Variants in NOTO observed in about 807,000 individuals in gnomAD.
NOTO encodes the protein notochord homeobox, also known as homeobox protein notochord.
NOTO carries 19 observed loss-of-function variants against 20.5 expected under a neutral mutation model. That is an observed-to-expected ratio of 0.93 (90% CI 0.65 to 1.36). NOTO has a LOEUF of 1.36. Among genes scored for constraint, NOTO ranks in the 40% most tolerant of loss-of-function variants. The pLI, the probability that NOTO is intolerant of heterozygous loss-of-function variation, is 0.00. For missense variants in NOTO, 369 were observed against 336.2 expected, an observed-to-expected ratio of 1.10 and a Z score of -0.76; for synonymous variants, 150 against 150.2, an observed-to-expected ratio of 1.00 and a Z score of 0.01.
intron 1 of NOTO, among the ~76,000 whole-genome samples, chr2:73,204,098 CAAAAAAA>C (rs1189040660): frequency 3.7e-5 from 1 of 27,378 alleles, no homozygotes; most frequent in Non-Finnish European, 6.4e-5. Flanking sequence ...AACTCCGTCT[CAAAAAAA>C]AAAAAAAAAA....
At position 73,211,191 on chromosome 2, in the gene NOTO, C is replaced by A. The variant is rs1249042920; in HGVS notation, c.*262C>A. The stretch of plus-strand genomic sequence containing the variant: ...TTTTTCTTTATCTGTATAATGGGTG[C>A]ATTCATAACTTAGATCACCCAGGGG... On this transcript the variant is annotated 3_prime_UTR_variant, in exon 3 of 3. Transcript: ENST00000398468. The A allele has an allele frequency of 2.5e-6, 1 of 402,898 alleles. No individual in the cohort carries two copies. Among genetic ancestry groups the A allele is most frequent in the Admixed American group, 4.2e-5 (1 of 23,922 alleles). 25.0% of individuals were successfully genotyped at this position (402,898 alleles called of 1,614,324 possible).
rs1286372039 is a variant in NOTO, at chr2:73,210,659, T to A, written c.598-112T>A. 5.8e-6 allele frequency: 5 copies of A among 861,526 alleles called. No homozygotes were observed. In the East Asian group the frequency reaches 1.4e-4, roughly 23 times the overall value. 53.4% of individuals were successfully genotyped at this position (861,526 alleles called of 1,614,324 possible). A position where few individuals can be genotyped will look rare whatever the true frequency, so the allele number is the denominator to read the frequency against. ...GGGTGTTTTGGAGGAGGTACCTCCC[T>A]GAGAAGGAAGAGCAAATATTGGCCA... On this transcript the variant is annotated intron_variant, in intron 2 of 2. Coordinates refer to ENST00000398468, the MANE Select transcript of NOTO (RefSeq NM_001134462.2).
At chr2:73,206,308 A>T (rs1686087592) in intron 1 of NOTO, among the ~76,000 whole-genome samples, 1 of 152,156 alleles carries the variant, frequency 6.6e-6, no homozygotes, top group African/African-American at 2.4e-5. Context: ...GCACAGTGCT[A>T]AGCACCCTGT....
Position 73,212,432 on chromosome 2 carries a change from G to T in NOTO, c.*1503G>T, listed in dbSNP as rs1686198466. 1 of 152,218 alleles carries T rather than the reference G, an allele frequency of 6.6e-6. No homozygotes were observed. Among genetic ancestry groups the T allele is most frequent in the African/African-American group, 2.4e-5 (1 of 41,450 alleles). The allele number at this position is 152,218 out of a possible 1,614,324, so 9.4% of individuals were successfully genotyped here. A position where few individuals can be genotyped will look rare whatever the true frequency, so the allele number is the denominator to read the frequency against. On this transcript the variant is annotated 3_prime_UTR_variant, in exon 3 of 3. Coordinates refer to ENST00000398468, the MANE Select transcript of NOTO (RefSeq NM_001134462.2). ...GCCCCATCTTTTTATAGAATAATTT[G>T]TGTATGCCAAGGCTGGCATTTTGTC...
rs763001329 is a variant in NOTO, at chr2:73,204,870, A to ATTTTTTTTTTTTTTTTTTT, written c.382+1830_382+1831insTTTTTTTTTTTTTTTTTTT. Among the ~76,000 whole-genome samples, 3 of 93,014 alleles carry ATTTTTTTTTTTTTTTTTTT rather than the reference A, an allele frequency of 3.2e-5. 1 individual carries two copies. Among genetic ancestry groups the ATTTTTTTTTTTTTTTTTTT allele is most frequent in the Non-Finnish European group, 3.9e-5 (2 of 51,282 alleles). The allele number at this position is 93,014 out of a possible 152,430, so 61.0% of individuals were successfully genotyped here. ...CAAGCCCCAGCACCATGCCCGGCTA[A>ATTTTTTTTTTTTTTTTTTT]TTTTTTTTATTTTTTTATTTTTTTT... On this transcript the variant is annotated intron_variant, in intron 1 of 2. Coordinates refer to ENST00000398468, the MANE Select transcript of NOTO (RefSeq NM_001134462.2).
At chr2:73,204,708 GTT>G (rs1686062569) in intron 1 of NOTO, among the ~76,000 whole-genome samples, 1 of 151,864 alleles carries the variant, frequency 6.6e-6, no homozygotes, top group South Asian at 2.1e-4. Flanking sequence ...CTTTTGTTCT[GTT>G]TTGTTTTGTT....
chr2:73,205,146 T>C (rs1404002377), intron 1 of NOTO, among the ~76,000 whole-genome samples: 1 of 152,156 alleles, frequency 6.6e-6, no homozygotes, highest in African/African-American at 2.4e-5. Flanking sequence ...TGAACTACTG[T>C]TCTTGTATTT....
Position 73,202,858 on chromosome 2 carries a change from G to C in NOTO, c.192G>C (p.Ala64=). The C allele has an allele frequency of 6.6e-7, 1 of 1,526,458 alleles. No individual in the cohort carries two copies. Among genetic ancestry groups the C allele is most frequent in the Non-Finnish European group, 8.8e-7 (1 of 1,142,212 alleles). 94.6% of individuals were successfully genotyped at this position (1,526,458 alleles called of 1,614,324 possible). The part of the protein sequence containing the change: ...ILARPDPCAP[A]ASQPSGSACV... ...CGAGGCCCGACCCCTGCGCGCCGGC[G>C]GCCTCCCAGCCGTCGGGCTCCGCCT... is the stretch of plus-strand genomic sequence containing the variant. The change falls in exon 1 of 3, where the codon GCG becomes GCC. Residue 64 remains alanine (A), a synonymous_variant. Coordinates refer to ENST00000398468, the MANE Select transcript of NOTO (RefSeq NM_001134462.2).
chr2:73,209,174 C>CAAAA (rs1214608418), intron 2 of NOTO, among the ~76,000 whole-genome samples: 38 of 53,262 alleles, frequency 7.1e-4, no homozygotes, highest in African/African-American at 2.4e-3. Flanking sequence ...GAGCCCGTCT[C>CAAAA]AAAAAAAAAA....
Position 73,210,980 on chromosome 2 carries a change from G to A in NOTO, c.*51G>A. The A allele has an allele frequency of 6.8e-7, 1 of 1,464,892 alleles. No homozygotes were observed. The allele number at this position is 1,464,892 out of a possible 1,614,324, so 90.7% of individuals were successfully genotyped here. A position where few individuals can be genotyped will look rare whatever the true frequency, so the allele number is the denominator to read the frequency against. On this transcript the variant is annotated 3_prime_UTR_variant, in exon 3 of 3. Transcript: ENST00000398468. ...GCTGCCTGGACTAGTTCCTCCTGGGGGTACCCACTGGAGCTCCCTGCCTCA... is the reference window on the plus strand; with the variant it reads ...GCTGCCTGGACTAGTTCCTCCTGGGAGTACCCACTGGAGCTCCCTGCCTCA...
At chr2:73,204,756 G>C (rs1268553911) in intron 1 of NOTO, among the ~76,000 whole-genome samples, 5 of 152,144 alleles carry the variant, frequency 3.3e-5, no homozygotes, top group Non-Finnish European at 5.9e-5. Context: ...CCAGGCTGGA[G>C]TGCAGTGGCG....
Position 73,210,776 on chromosome 2 carries a change from A to G in NOTO, c.603A>G (p.Arg201=). The change falls in exon 3 of 3, where the codon AGA becomes AGG. Residue 201 remains arginine (R), a synonymous_variant. Coordinates refer to ENST00000398468, the MANE Select transcript of NOTO (RefSeq NM_001134462.2). ...ARLKLTENQV[R]VWFQNRRVKY... ...TGCCCACTCTCCAATTATAGGTGAG[A>G]GTCTGGTTCCAGAACCGCAGGGTCA... 1 of 1,549,824 alleles carries G rather than the reference A, an allele frequency of 6.5e-7. No individual in the cohort carries two copies. Among genetic ancestry groups the G allele is most frequent in the Non-Finnish European group, 8.7e-7 (1 of 1,145,854 alleles).
At chr2:73,203,389 C>G (rs1686034464) in intron 1 of NOTO, among the ~76,000 whole-genome samples, 1 of 152,086 alleles carries the variant, frequency 6.6e-6, no homozygotes, top group African/African-American at 2.4e-5. Flanking sequence ...CCTTGACTCC[C>G]TCGCACACCC....
At chr2:73,204,878 T>A (rs547877632) in intron 1 of NOTO, among the ~76,000 whole-genome samples, 2 of 108,674 alleles carry the variant, frequency 1.8e-5, no homozygotes, top group East Asian at 3.0e-4. Flanking sequence ...TAATTTTTTT[T>A]ATTTTTTTAT....
chr2:73,210,924 G>A lies in NOTO; in HGVS notation c.751G>A (p.Gly251Ser), dbSNP rs542458363. The change falls in exon 3 of 3, where the codon GGC (glycine) becomes AGC (serine). Residue 251 changes from glycine (G) to serine (S), a missense_variant. Coordinates refer to ENST00000398468, the MANE Select transcript of NOTO (RefSeq NM_001134462.2). ...QSDDAESGVD[G>S] ...TGATGATGCCGAGTCAGGAGTGGACGGCTGAAGACTGGGACAGAGGCCCTA... is the reference window on the plus strand; with the variant it reads ...TGATGATGCCGAGTCAGGAGTGGACAGCTGAAGACTGGGACAGAGGCCCTA... 109 of 1,550,452 alleles carry A rather than the reference G, an allele frequency of 7.0e-5. No individual in the cohort carries two copies. The highest frequency in any genetic ancestry group is 2.2e-4 in the East Asian group (9 of 40,850).
At chr2:73,203,716 G>T (rs1470610191) in intron 1 of NOTO, among the ~76,000 whole-genome samples, 1 of 152,226 alleles carries the variant, frequency 6.6e-6, no homozygotes, top group Non-Finnish European at 1.5e-5. Context: ...TGTAATTTCA[G>T]CACTTTGGAA....
chr2:73,203,645 G>A (rs1471306809), intron 1 of NOTO, among the ~76,000 whole-genome samples: 2 of 152,192 alleles, frequency 1.3e-5, no homozygotes, highest in Non-Finnish European at 2.9e-5. Context: ...TAGTGCTTAA[G>A]GGCCAGGCAC....
chr2:73,202,907 G>T lies in NOTO; in HGVS notation c.241G>T (p.Ala81Ser). ...CTGCGTCCACCCGGCCTTCTGGACC[G>T]CTGCTTCCCTGTGCGCCACCGGGGG... Reference protein sequence around the residue: ...SACVHPAFWTAASLCATGGLP... With the variant: ...SACVHPAFWTSASLCATGGLP... The change falls in exon 1 of 3, where the codon GCT becomes TCT. Residue 81 changes from alanine (A) to serine (S), a missense_variant. Physicochemically the swap from Ala to Ser is moderately conservative, Grantham distance 99. Coordinates refer to ENST00000398468, the MANE Select transcript of NOTO (RefSeq NM_001134462.2). 6.5e-7 allele frequency: 1 copy of T among 1,526,836 alleles called. No homozygotes were observed. 94.6% of individuals were successfully genotyped at this position (1,526,836 alleles called of 1,614,324 possible). A position where few individuals can be genotyped will look rare whatever the true frequency, so the allele number is the denominator to read the frequency against.
chr2:73,202,878 C>T lies in NOTO; in HGVS notation c.212C>T (p.Ser71Phe). 1 of 1,527,506 alleles carries T rather than the reference C, an allele frequency of 6.5e-7. No individual in the cohort carries two copies. Among genetic ancestry groups the T allele is most frequent in the Non-Finnish European group, 8.8e-7 (1 of 1,142,422 alleles). 94.6% of individuals were successfully genotyped at this position (1,527,506 alleles called of 1,614,324 possible). A position where few individuals can be genotyped will look rare whatever the true frequency, so the allele number is the denominator to read the frequency against. The stretch of plus-strand genomic sequence containing the variant: ...CCGGCGGCCTCCCAGCCGTCGGGCT[C>T]CGCCTGCGTCCACCCGGCCTTCTGG... Reference protein sequence around the residue: ...CAPAASQPSGSACVHPAFWTA... With the variant: ...CAPAASQPSGFACVHPAFWTA... The change falls in exon 1 of 3, where the codon TCC becomes TTC. Residue 71 changes from serine (S) to phenylalanine (F), a missense_variant. Ser to Phe is a radical substitution (Grantham distance 155). Coordinates refer to ENST00000398468, the MANE Select transcript of NOTO (RefSeq NM_001134462.2).
Sources: gnomAD v4.1 joint callset for allele counts (sites outside exome capture counted in the v4.1 genomes callset) on GRCh38, gnomAD v4.1.1 for gene constraint, MANE v1.5 for transcripts, NCBI Gene and HGNC (gene_info 2026-07-23, HGNC 2026-07-21) for gene names.